The following WARS2 variants were observed in gnomAD, a reference collection of about 807,000 sequenced individuals.
WARS2 encodes the protein tryptophan--tRNA ligase, mitochondrial.
A neutral mutation model predicts 36.5 loss-of-function variants in WARS2; 28 were observed. That is an observed-to-expected ratio of 0.77 (90% CI 0.57 to 1.05). The LOEUF is 1.05. Ranked by LOEUF, WARS2 falls within the 50% of genes least tolerant of loss-of-function variation. The pLI is 0.00. For missense variants in WARS2, 435 were observed against 456.8 expected, an observed-to-expected ratio of 0.95 and a Z score of 0.44; for synonymous variants, 174 against 178.4, an observed-to-expected ratio of 0.98 and a Z score of 0.20.
intron 1 of WARS2, among the ~76,000 whole-genome samples, chr1:119,116,726 C>T (rs1164975447): frequency 6.6e-6 from 1 of 152,120 alleles, no homozygotes; most frequent in Non-Finnish European, 1.5e-5. Flanking sequence ...GTAAGCATTC[C>T]CAGTCCTCAG....
chr1:119,038,494 C>CAGTA (rs1323652374), intron 4 of WARS2, among the ~76,000 whole-genome samples: 1 of 152,170 alleles, frequency 6.6e-6, no homozygotes, highest in Non-Finnish European at 1.5e-5. Context: ...TCCTCAATGG[C>CAGTA]AGTAGCCTGA....
intron 2 of WARS2, among the ~76,000 whole-genome samples, chr1:119,068,842 C>T (rs1207652089): frequency 7.7e-6 from 1 of 130,706 alleles, no homozygotes; most frequent in East Asian, 2.1e-4. Flanking sequence ...CTCTCTCTCA[C>T]ACACACACAC....
At position 119,099,743 on chromosome 1, in the gene WARS2, G is replaced by A. The variant is rs145278702; in HGVS notation, c.91-23136C>T. 1.7e-4 allele frequency among the ~76,000 whole-genome samples: 26 copies of A among 152,248 alleles called. No individual in the cohort carries two copies. The East Asian group carries it at 3.9e-3, about 23-fold the overall frequency. ...AATAAATAATGCTGGGAAAATTGGA[G>A]AGCCACATATTGAAGAATGAAACTG... On this transcript the variant is annotated intron_variant, in intron 1 of 5. Transcript: ENST00000235521.
At chr1:119,045,497 G>T in intron 3 of WARS2, 85 bp downstream of exon 3, 1 of 1,139,528 alleles carries the variant, frequency 8.8e-7, no homozygotes, top group Non-Finnish European at 1.3e-6. Flanking sequence ...GACCAGGGAG[G>T]AGAGTAAACT....
chr1:119,059,986 A>C (rs965767260), intron 2 of WARS2, among the ~76,000 whole-genome samples: 1 of 152,186 alleles, frequency 6.6e-6, no homozygotes, highest in Non-Finnish European at 1.5e-5. Context: ...ACTAATGGAT[A>C]CTAGACTTAA....
At chr1:119,039,561 T>C (rs998978728) in intron 4 of WARS2, among the ~76,000 whole-genome samples, 1 of 152,180 alleles carries the variant, frequency 6.6e-6, no homozygotes, top group South Asian at 2.1e-4. Flanking sequence ...ATAAAAACTA[T>C]GAACACTTGC....
At chr1:119,050,403 T>C (rs748677911) in intron 2 of WARS2, among the ~76,000 whole-genome samples, 102 of 152,350 alleles carry the variant, frequency 6.7e-4, no homozygotes, top group Non-Finnish European at 9.4e-4. Flanking sequence ...ATATACTTTA[T>C]GTTTGGCTTA....
intron 1 of WARS2, among the ~76,000 whole-genome samples, chr1:119,135,153 C>T (rs956861027): frequency 2.0e-4 from 30 of 152,288 alleles, no homozygotes; most frequent in African/African-American, 5.5e-4. Flanking sequence ...CACTCATTTA[C>T]GGTGCAGCTC....
chr1:119,075,766 T>TC (rs1191361518), intron 2 of WARS2, among the ~76,000 whole-genome samples: 4 of 152,216 alleles, frequency 2.6e-5, no homozygotes, highest in Admixed American at 1.3e-4. Context: ...AACTGATTCA[T>TC]CCATAGTGAA....
chr1:119,125,690 T>C (rs1257818981), intron 1 of WARS2, among the ~76,000 whole-genome samples: 2 of 151,778 alleles, frequency 1.3e-5, no homozygotes, highest in East Asian at 3.9e-4. Context: ...GAGAGGAGAG[T>C]AGATATTTAC....
chr1:119,119,382 T>C (rs1393750786), intron 1 of WARS2, among the ~76,000 whole-genome samples: 4 of 152,070 alleles, frequency 2.6e-5, no homozygotes, highest in Admixed American at 6.5e-5. Flanking sequence ...CCTAAATATA[T>C]ATGCACCTAA....
chr1:119,048,032 C>T (rs1208785707), intron 2 of WARS2, among the ~76,000 whole-genome samples: 1 of 152,134 alleles, frequency 6.6e-6, no homozygotes, highest in Non-Finnish European at 1.5e-5. Flanking sequence ...TTGTTGAATG[C>T]GTGGGCAATA....
At chr1:119,130,615 A>G (rs1656033054) in intron 1 of WARS2, among the ~76,000 whole-genome samples, 1 of 152,200 alleles carries the variant, frequency 6.6e-6, no homozygotes, top group Non-Finnish European at 1.5e-5. Context: ...TTTTGTAATT[A>G]AATAAATAAA....
chr1:119,131,268 AT>A (rs1656072003), intron 1 of WARS2, among the ~76,000 whole-genome samples: 1 of 152,132 alleles, frequency 6.6e-6, no homozygotes, highest in Non-Finnish European at 1.5e-5. Flanking sequence ...TTTTTAAAGA[AT>A]GATAGAGTAC....
At chr1:119,045,922 A>G (rs1648770395) in intron 2 of WARS2, among the ~76,000 whole-genome samples, 1 of 152,174 alleles carries the variant, frequency 6.6e-6, no homozygotes, top group South Asian at 2.1e-4. Context: ...CTGCTTCAAC[A>G]TCTTCAGTGA....
chr1:119,107,675 G>A (rs76798140), intron 1 of WARS2, among the ~76,000 whole-genome samples: 2 of 12,776 alleles, frequency 1.6e-4, no homozygotes, highest in African/African-American at 2.9e-4. Flanking sequence ...AAAAGAAAGA[G>A]AGAGAGAGAG....
At chr1:119,114,720 T>A (rs759062977) in intron 1 of WARS2, among the ~76,000 whole-genome samples, 1 of 152,162 alleles carries the variant, frequency 6.6e-6, no homozygotes, top group Admixed American at 6.5e-5. Flanking sequence ...TGCCATCCCA[T>A]CCCTGTGTAA....
chr1:119,100,562 T>C (rs1051091444), intron 1 of WARS2, among the ~76,000 whole-genome samples: 1 of 152,178 alleles, frequency 6.6e-6, no homozygotes, highest in Non-Finnish European at 1.5e-5. Flanking sequence ...AACAGATGAA[T>C]GGATAAAGAA....
chr1:119,048,988 G>A (rs1649107546), intron 2 of WARS2, among the ~76,000 whole-genome samples: 1 of 152,140 alleles, frequency 6.6e-6, no homozygotes, highest in African/African-American at 2.4e-5. Flanking sequence ...TCTTGAATCC[G>A]GGAGGCAAAG....
Sources: gnomAD v4.1 joint callset for allele counts (sites outside exome capture counted in the v4.1 genomes callset) on GRCh38, gnomAD v4.1.1 for gene constraint, MANE v1.5 for transcripts, NCBI Gene and HGNC (gene_info 2026-07-23, HGNC 2026-07-21) for gene names.